Variants in UQCC2 observed in about 807,000 individuals in gnomAD.
UQCC2 encodes the protein ubiquinol-cytochrome c reductase complex assembly factor 2.
A neutral mutation model predicts 19.9 loss-of-function variants in UQCC2; 21 were observed. The ratio of observed to expected loss-of-function variants is 1.05; its 90% CI spans 0.75 to 1.52. UQCC2 has a LOEUF of 1.52. Ranked by LOEUF, UQCC2 falls within the 40% of genes most tolerant of loss-of-function variation. UQCC2 has a pLI of 0.00. For missense variants in UQCC2, 135 were observed against 157.5 expected, an observed-to-expected ratio of 0.86 and a Z score of 0.76; for synonymous variants, 57 against 60.9, an observed-to-expected ratio of 0.94 and a Z score of 0.30.
At chr6:33,711,489 T>G (rs1464032164) in intron 1 of UQCC2, 60 bp downstream of exon 1, 4 of 1,524,684 alleles carry the variant, frequency 2.6e-6, no homozygotes, top group Non-Finnish European at 3.5e-6. Flanking sequence ...GCGCGCTCGT[T>G]GGCCCCGCCC....
chr6:33,699,511 G>A (rs755904542), intron 3 of UQCC2, among the ~76,000 whole-genome samples: 6 of 151,990 alleles, frequency 3.9e-5, no homozygotes, highest in African/African-American at 7.3e-5. Flanking sequence ...CTAATTACAC[G>A]GACCCAGGGA....
intron 1 of UQCC2, among the ~76,000 whole-genome samples, chr6:33,708,190 A>G (rs1765722044): frequency 6.6e-6 from 1 of 152,230 alleles, no homozygotes; most frequent in Admixed American, 6.5e-5. Flanking sequence ...TGCCCAAACT[A>G]TCTATGGCCC....
At chr6:33,711,231 G>C (rs140507298) in intron 1 of UQCC2, among the ~76,000 whole-genome samples, 5 of 152,162 alleles carry the variant, frequency 3.3e-5, no homozygotes, top group African/African-American at 1.2e-4. Flanking sequence ...TTGCCCAGGA[G>C]GTCATCCTGG....
At chr6:33,697,982 T>C in intron 3 of UQCC2, 1 of 536,662 alleles carries the variant, frequency 1.9e-6, no homozygotes, top group South Asian at 2.2e-5. Context: ...CTGTCAGTGG[T>C]CTCCTGCCCT....
intron 1 of UQCC2, among the ~76,000 whole-genome samples, chr6:33,703,956 C>T (rs1765668833): frequency 1.3e-5 from 2 of 152,154 alleles, no homozygotes; most frequent in South Asian, 2.1e-4. Context: ...AATCCGGGAC[C>T]GTTCCTCGGC....
intron 1 of UQCC2, among the ~76,000 whole-genome samples, chr6:33,710,082 CCT>C (rs1237053093): frequency 2.6e-5 from 4 of 152,132 alleles, no homozygotes; most frequent in Non-Finnish European, 4.4e-5. Flanking sequence ...ATCTTTGGTT[CCT>C]CTCTTTTCCT....
At chr6:33,699,006 C>T (rs1223169237) in intron 3 of UQCC2, among the ~76,000 whole-genome samples, 3 of 152,060 alleles carry the variant, frequency 2.0e-5, no homozygotes, top group African/African-American at 4.8e-5. Flanking sequence ...GAAAAAAGCC[C>T]CTGCTCTGGA....
At chr6:33,705,747 G>C (rs1765691755) in intron 1 of UQCC2, among the ~76,000 whole-genome samples, 1 of 152,174 alleles carries the variant, frequency 6.6e-6, no homozygotes, top group African/African-American at 2.4e-5. Context: ...TAACATTCCT[G>C]AGCTCTGAAA....
In UQCC2 at chr6:33,705,085, G is replaced by A. The variant is rs539509278; in HGVS notation, c.139-3665C>T. 8.2e-4 allele frequency among the ~76,000 whole-genome samples: 123 copies of A among 150,164 alleles called. No individual in the cohort carries two copies. In the Middle Eastern group the frequency reaches 0.01, roughly 13 times the overall value. Reference sequence around the variant, plus strand: ...CTCACTCTGTCGCCCAGGCTGGAGTGCACTGGCACAATCTTGGCTCACTGC... The same window carrying A: ...CTCACTCTGTCGCCCAGGCTGGAGTACACTGGCACAATCTTGGCTCACTGC... On this transcript the variant is annotated intron_variant, in intron 1 of 3. Transcript: ENST00000607484.
intron 1 of UQCC2, among the ~76,000 whole-genome samples, chr6:33,709,247 G>A (rs1765737196): frequency 1.3e-5 from 2 of 152,162 alleles, no homozygotes; most frequent in South Asian, 4.1e-4. Context: ...CCCAAACATG[G>A]TAAGCTCTCA....
chr6:33,711,503 C>CCTCGTCCTTTCCTCCCCTCGTCCCAGCCG, intron 1 of UQCC2, 46 bp downstream of exon 1: 1 of 1,560,260 alleles, frequency 6.4e-7, no homozygotes, highest in Non-Finnish European at 8.7e-7. Context: ...CCCGCCCCTG[C>CCTCGTCCTTTCCTCCCCTCGTCCCAGCCG]CTCGTCCTTT....
rs149756069 is a variant in UQCC2, at chr6:33,702,777, T to A, written c.139-1357A>T. 1.2e-3 allele frequency among the ~76,000 whole-genome samples: 188 copies of A among 152,366 alleles called. 1 individual carries two copies. The highest frequency in any genetic ancestry group is 4.3e-3 in the African/African-American group (178 of 41,576). Reference sequence around the variant, plus strand: ...TTCCCCCAGAATTCAAATGATGGATTTTTTCCTAACTTAAATCCTTCCTTG... The same window carrying A: ...TTCCCCCAGAATTCAAATGATGGATATTTTCCTAACTTAAATCCTTCCTTG... On this transcript the variant is annotated intron_variant, in intron 1 of 3. Transcript: ENST00000607484.
intron 3 of UQCC2, among the ~76,000 whole-genome samples, chr6:33,699,243 TATG>T (rs936739099): frequency 6.6e-6 from 1 of 152,210 alleles, no homozygotes; most frequent in Non-Finnish European, 1.5e-5. Flanking sequence ...GCAACAAAAA[TATG>T]AGGCTTGCTG....
At chr6:33,701,091 C>T (rs1765634119) in intron 2 of UQCC2, among the ~76,000 whole-genome samples, 1 of 152,210 alleles carries the variant, frequency 6.6e-6, no homozygotes, top group Non-Finnish European at 1.5e-5. Flanking sequence ...GGAGCACACA[C>T]TGGCATATCA....
intron 1 of UQCC2, among the ~76,000 whole-genome samples, chr6:33,708,887 C>T (rs768368416): frequency 1.3e-5 from 2 of 152,160 alleles, no homozygotes; most frequent in African/African-American, 2.4e-5. Flanking sequence ...GATGAGGTAC[C>T]GCAACAGTGG....
At chr6:33,699,889 C>T (rs565233931) in intron 3 of UQCC2, among the ~76,000 whole-genome samples, 4 of 152,332 alleles carry the variant, frequency 2.6e-5, no homozygotes, top group Middle Eastern at 3.4e-3. Flanking sequence ...TCTCCGGCCC[C>T]CCTCCTTAGG....
intron 1 of UQCC2, among the ~76,000 whole-genome samples, chr6:33,705,991 C>T (rs2127336649): frequency 6.6e-6 from 1 of 152,240 alleles, no homozygotes; most frequent in East Asian, 1.9e-4. Flanking sequence ...TCTATTTTTG[C>T]TCCTTTTGCA....
chr6:33,700,038 A>G (rs148248753), intron 3 of UQCC2, among the ~76,000 whole-genome samples: 28 of 152,322 alleles, frequency 1.8e-4, no homozygotes, highest in African/African-American at 6.7e-4. Context: ...CCTGGGTCAC[A>G]TAACTCTTAG....
chr6:33,711,495 C>A, intron 1 of UQCC2, 54 bp downstream of exon 1: 1 of 1,535,544 alleles, frequency 6.5e-7, no homozygotes, highest in Middle Eastern at 1.8e-4. Context: ...TCGTTGGCCC[C>A]GCCCCTGCCT....
Sources: allele counts gnomAD v4.1 joint callset (sites outside exome capture counted in the v4.1 genomes callset), GRCh38; gene constraint gnomAD v4.1.1; transcripts MANE v1.5; gene names NCBI Gene and HGNC (gene_info 2026-07-23, HGNC 2026-07-21).